CPNE4: variants seen among roughly 807,000 people sequenced by gnomAD.
The protein encoded by CPNE4 is copine-4.
CPNE4 carries 25 observed loss-of-function variants against 67.9 expected under a neutral mutation model. That is an observed-to-expected ratio of 0.37 (90% CI 0.27 to 0.51). CPNE4 has a LOEUF of 0.51. Ranked by LOEUF, CPNE4 falls within the 20% of genes least tolerant of loss-of-function variation. The pLI is 0.93. For synonymous variants in CPNE4, 242 were observed against 244.9 expected (o/e 0.99, Z 0.11); for missense variants, 464 against 690.8 (o/e 0.67, Z 3.68).
At chr3:131,727,501 C>T (rs968169741) in intron 2 of CPNE4, among the ~76,000 whole-genome samples, 3 of 151,978 alleles carry the variant, frequency 2.0e-5, no homozygotes, top group Non-Finnish European at 4.4e-5. Flanking sequence ...ATTTTTCAGT[C>T]TAATAATAAA....
At chr3:131,805,413 G>A (rs1364741408) in intron 2 of CPNE4, among the ~76,000 whole-genome samples, 4 of 152,154 alleles carry the variant, frequency 2.6e-5, no homozygotes, top group Non-Finnish European at 5.9e-5. Context: ...GTTGTTTTTG[G>A]TCCAATGTGC....
At chr3:131,652,079 G>T (rs560343170) in intron 7 of CPNE4, among the ~76,000 whole-genome samples, 1 of 152,300 alleles carries the variant, frequency 6.6e-6, no homozygotes, top group African/African-American at 2.4e-5. Context: ...TTTAATAAAT[G>T]GCTGATGAAA....
At chr3:131,882,723 ATTT>A (rs534737633) in intron 2 of CPNE4, among the ~76,000 whole-genome samples, 1 of 136,152 alleles carries the variant, frequency 7.3e-6, no homozygotes, top group African/African-American at 2.7e-5. Context: ...GTTCTGCTCT[ATTT>A]TTTTTTTTTT....
At chr3:131,755,600 T>G (rs543351185) in intron 2 of CPNE4, among the ~76,000 whole-genome samples, 8 of 152,336 alleles carry the variant, frequency 5.3e-5, no homozygotes, top group Non-Finnish European at 8.8e-5. Context: ...ACCATAAATC[T>G]GACAGCTGCT....
At chr3:131,866,510 C>T (rs1335702171) in intron 2 of CPNE4, among the ~76,000 whole-genome samples, 1 of 152,222 alleles carries the variant, frequency 6.6e-6, no homozygotes, top group East Asian at 1.9e-4. Context: ...CAGGTTTGCT[C>T]AGGCTTGTTT....
intron 2 of CPNE4, among the ~76,000 whole-genome samples, chr3:131,796,635 G>A (rs572887847): frequency 7.9e-5 from 12 of 152,284 alleles, no homozygotes; most frequent in Admixed American, 2.0e-4. Context: ...CCTTCCCCTG[G>A]AGCCTCCATC....
intron 7 of CPNE4, among the ~76,000 whole-genome samples, chr3:131,632,398 G>A (rs139062114): frequency 3.3e-4 from 51 of 152,242 alleles, no homozygotes; most frequent in Non-Finnish European, 4.4e-4. Flanking sequence ...GAGAGGCTAA[G>A]TACCTTGCCC....
chr3:131,663,909 C>T (rs1407754346), intron 7 of CPNE4, among the ~76,000 whole-genome samples: 1 of 152,160 alleles, frequency 6.6e-6, no homozygotes, highest in African/African-American at 2.4e-5. Context: ...TCCTTTACTG[C>T]ACCATGGGCT....
intron 7 of CPNE4, among the ~76,000 whole-genome samples, chr3:131,606,997 A>G (rs201140216): frequency 6.6e-6 from 1 of 151,378 alleles, no homozygotes; most frequent in Non-Finnish European, 1.5e-5. Flanking sequence ...TGAGAAAAAC[A>G]GCTTGGAAGT....
At chr3:131,549,830 C>T in intron 14 of CPNE4, 117 bp downstream of exon 14, 1 of 1,221,318 alleles carries the variant, frequency 8.2e-7, no homozygotes, top group South Asian at 1.4e-5. Flanking sequence ...GTCATTTGTC[C>T]AAATTCACAC....
intron 7 of CPNE4, among the ~76,000 whole-genome samples, chr3:131,593,935 G>GTC (rs1938689741): frequency 6.6e-6 from 1 of 152,022 alleles, no homozygotes; most frequent in Admixed American, 6.6e-5. Context: ...GGCCAGGATG[G>GTC]TCTCAATCTC....
At chr3:131,996,973 T>C (rs924222230) in intron 1 of CPNE4, among the ~76,000 whole-genome samples, 3 of 152,118 alleles carry the variant, frequency 2.0e-5, no homozygotes, top group African/African-American at 2.4e-5. Flanking sequence ...TGAGAACTCT[T>C]ACATGGAAAT....
intron 2 of CPNE4, among the ~76,000 whole-genome samples, chr3:131,792,709 GTGTATATATGTATA>G (rs2083793258): frequency 1.1e-5 from 1 of 88,278 alleles, no homozygotes; most frequent in African/African-American, 5.3e-5. Context: ...ATACACACAC[GTGTATATATGTATA>G]TATATACACG....
chr3:131,678,996 G>A (rs910144113), intron 6 of CPNE4, among the ~76,000 whole-genome samples: 2 of 152,152 alleles, frequency 1.3e-5, no homozygotes, highest in Non-Finnish European at 2.9e-5. Flanking sequence ...AGTTTCAGTA[G>A]TAATGGTACC....
intron 7 of CPNE4, among the ~76,000 whole-genome samples, chr3:131,621,316 T>C (rs552191720): frequency 6.6e-6 from 1 of 152,246 alleles, no homozygotes; most frequent in East Asian, 1.9e-4. Flanking sequence ...ACAGTCATGG[T>C]TCACTGCAGC....
intron 9 of CPNE4, among the ~76,000 whole-genome samples, chr3:131,577,288 AAC>A (rs1446090546): frequency 6.6e-6 from 1 of 151,350 alleles, no homozygotes; most frequent in Non-Finnish European, 1.5e-5. Context: ...CACACACATA[AAC>A]ACACACATAC....
chr3:131,938,013 A>G (rs1051129395), intron 1 of CPNE4, among the ~76,000 whole-genome samples: 2 of 152,156 alleles, frequency 1.3e-5, no homozygotes, highest in Non-Finnish European at 2.9e-5. Context: ...TCGAATAAAA[A>G]TACAGATTTT....
chr3:131,978,017 C>T (rs1168917423), intron 1 of CPNE4, among the ~76,000 whole-genome samples: 1 of 131,432 alleles, frequency 7.6e-6, no homozygotes, highest in Non-Finnish European at 1.5e-5. Context: ...TAATTCATTC[C>T]TTTTTTATGG....
At chr3:132,033,407 G>C (rs201199484) in intron 1 of CPNE4, among the ~76,000 whole-genome samples, 455 of 6,536 alleles carry the variant, frequency 0.07, 4 homozygotes, top group African/African-American at 0.089. Flanking sequence ...GTGTGTGTCT[G>C]TGTGTGTGTG....
Sources: gnomAD v4.1 joint callset for allele counts (sites outside exome capture counted in the v4.1 genomes callset) on GRCh38, gnomAD v4.1.1 for gene constraint, MANE v1.5 for transcripts, NCBI Gene and HGNC (gene_info 2026-07-23, HGNC 2026-07-21) for gene names.